AVL9: variants seen among roughly 807,000 people sequenced by gnomAD.
The protein encoded by AVL9 is AVL9 cell migration associated.
In AVL9, 49 loss-of-function variants were observed where a neutral mutation model predicts 79.2. The observed-to-expected ratio is 0.62, with a 90% CI of 0.49 to 0.79. AVL9 has a LOEUF of 0.79. AVL9 is among the 30% of genes least tolerant of loss of function. The pLI is 0.00. For missense variants in AVL9, 682 were observed against 776.8 expected (o/e 0.88, Z 1.45); for synonymous variants, 299 against 280.6 (o/e 1.07, Z -0.65).
chr7:32,528,902 C>G (rs967145242), intron 1 of AVL9, among the ~76,000 whole-genome samples: 1 of 151,688 alleles, frequency 6.6e-6, no homozygotes, highest in Non-Finnish European at 1.5e-5. Flanking sequence ...CCCAGCTAGT[C>G]GGGAGGCTGA....
chr7:32,535,204 A>G (rs17461530), intron 1 of AVL9: 35,518 of 151,982 alleles, frequency 0.23, 4,931 homozygotes, highest in Admixed American at 0.34. Context: ...CATGTCCTGA[A>G]CTCTACAGTT....
intron 1 of AVL9, chr7:32,536,838 A>C (rs1788933556): frequency 6.6e-6 from 1 of 152,210 alleles, no homozygotes; most frequent in Non-Finnish European, 1.5e-5. Context: ...TCACTGGTTT[A>C]TTATTAAAGG....
intron 15 of AVL9, among the ~76,000 whole-genome samples, chr7:32,581,941 C>T (rs1171596372): frequency 6.6e-6 from 1 of 152,160 alleles, no homozygotes; most frequent in East Asian, 1.9e-4. Context: ...ACTAGTTTTA[C>T]ACAAAATCTT....
At chr7:32,578,582 C>T (rs766873098) in intron 13 of AVL9, among the ~76,000 whole-genome samples, 8 of 152,170 alleles carry the variant, frequency 5.3e-5, no homozygotes, top group Admixed American at 2.6e-4. Flanking sequence ...CTGAGGTGGG[C>T]GGATCACGTG....
intron 1 of AVL9, among the ~76,000 whole-genome samples, chr7:32,521,919 GC>G (rs1259287575): frequency 5.9e-5 from 9 of 152,216 alleles, no homozygotes; most frequent in African/African-American, 1.9e-4. Flanking sequence ...CCAATGTACA[GC>G]TCAGGTTGTG....
chr7:32,586,462 C>CG lies in AVL9; in HGVS notation c.*2555_*2556insG, dbSNP rs890746205. On this transcript the variant is annotated 3_prime_UTR_variant, in exon 16 of 16. Coordinates refer to ENST00000318709, the MANE Select transcript of AVL9 (RefSeq NM_015060.3). ...GGAAGCCTCACCCCTGGTCCTGTGA[C>CG]CCCCCCCCCCCACACACACACATAC... The CG allele has an allele frequency of 1.6e-4, 2 of 12,788 alleles. No individual in the cohort carries two copies. Among genetic ancestry groups the CG allele is most frequent in the African/African-American group, 6.1e-4 (1 of 1,650 alleles). 0.8% of individuals were successfully genotyped at this position (12,788 alleles called of 1,614,324 possible).
intron 1 of AVL9, among the ~76,000 whole-genome samples, chr7:32,516,755 C>T (rs1282980889): frequency 7.8e-6 from 1 of 127,540 alleles, no homozygotes; most frequent in African/African-American, 2.9e-5. Flanking sequence ...TTCCACTAAA[C>T]CCTAGGCCTT....
chr7:32,546,085 A>ATTTTTTTTTTTTT (rs1562779099), intron 3 of AVL9, among the ~76,000 whole-genome samples: 8 of 30,966 alleles, frequency 2.6e-4, no homozygotes, highest in African/African-American at 6.6e-4. Context: ...TTTTTTTTTA[A>ATTTTTTTTTTTTT]ATATCTGTAC....
chr7:32,572,803 A>AAAAG (rs1448423964), intron 11 of AVL9, among the ~76,000 whole-genome samples: 2 of 149,950 alleles, frequency 1.3e-5, no homozygotes, highest in Non-Finnish European at 3.0e-5. Flanking sequence ...CTCCGTCTCA[A>AAAAG]AAAAAAAAAA....
intron 1 of AVL9, among the ~76,000 whole-genome samples, chr7:32,510,437 T>C (rs942712146): frequency 6.7e-6 from 1 of 149,516 alleles, no homozygotes; most frequent in Non-Finnish European, 1.5e-5. Flanking sequence ...CTGGCACTTC[T>C]GAACTGCCCC....
chr7:32,569,481 C>T (rs1209376594), intron 10 of AVL9, among the ~76,000 whole-genome samples: 1 of 152,156 alleles, frequency 6.6e-6, no homozygotes, highest in Non-Finnish European at 1.5e-5. Context: ...ACAGATACTA[C>T]CAGTGTCATT....
intron 1 of AVL9, among the ~76,000 whole-genome samples, chr7:32,503,323 T>G (rs1198786798): frequency 2.5e-5 from 3 of 122,062 alleles, no homozygotes; most frequent in African/African-American, 9.5e-5. Flanking sequence ...CTAAAAGATA[T>G]ATATATATAT....
At chr7:32,563,769 G>C (rs138932028) in intron 10 of AVL9, among the ~76,000 whole-genome samples, 63 of 152,206 alleles carry the variant, frequency 4.1e-4, no homozygotes, top group African/African-American at 1.4e-3. Flanking sequence ...GGTTTACCCA[G>C]CTTTGCAAAA....
chr7:32,515,001 G>C (rs934521526), intron 1 of AVL9, among the ~76,000 whole-genome samples: 4 of 152,280 alleles, frequency 2.6e-5, no homozygotes, highest in African/African-American at 4.8e-5. Context: ...GCATCTCAAA[G>C]CAGAACAATT....
rs1030491274 is a variant in AVL9 at position 32,584,935 on chromosome 7, A to G, written c.*1028A>G. The G allele has an allele frequency of 6.6e-6, 1 of 151,934 alleles. No homozygotes were observed. The highest frequency in any genetic ancestry group is 6.6e-5 in the Admixed American group (1 of 15,232). The allele number at this position is 151,934 out of a possible 1,614,324, so 9.4% of individuals were successfully genotyped here. A position where few individuals can be genotyped will look rare whatever the true frequency, so the allele number is the denominator to read the frequency against. ...TGGACATGCGCCACCATGCCCAGCT[A>G]ATTATTGTATTTTTAGTAGAGACGG... On this transcript the variant is annotated 3_prime_UTR_variant, in exon 16 of 16. Coordinates refer to ENST00000318709, the MANE Select transcript of AVL9 (RefSeq NM_015060.3).
rs1328314690 is a variant in AVL9, at chr7:32,495,754, C to G, written c.45C>G (p.Pro15=). The change falls in exon 1 of 16, where the codon CCC becomes CCG. Residue 15 remains proline (P), a synonymous_variant. Transcript: ENST00000318709. ...GCGGGGATGGCGTCCCCCGGGGGCC[C>G]GTACTGCACATCGTGGTGGTCGGAT... is the stretch of plus-strand genomic sequence containing the variant. ...RRGGDGVPRG[P]VLHIVVVGFH... The G allele has an allele frequency of 2.4e-6, 3 of 1,259,142 alleles. No individual in the cohort carries two copies. The highest frequency in any genetic ancestry group is 2.0e-6 in the Non-Finnish European group (2 of 991,972). 78.0% of individuals were successfully genotyped at this position (1,259,142 alleles called of 1,614,324 possible). A position where few individuals can be genotyped will look rare whatever the true frequency, so the allele number is the denominator to read the frequency against.
At chr7:32,552,643 A>C (rs1435128397) in intron 6 of AVL9, among the ~76,000 whole-genome samples, 1 of 151,978 alleles carries the variant, frequency 6.6e-6, no homozygotes, top group Non-Finnish European at 1.5e-5. Context: ...CCTGGGCTCA[A>C]GCAATTCTCC....
intron 1 of AVL9, among the ~76,000 whole-genome samples, chr7:32,509,472 C>G (rs1204569640): frequency 6.6e-6 from 1 of 152,124 alleles, no homozygotes; most frequent in African/African-American, 2.4e-5. Context: ...CTTTTTACTC[C>G]TCACTCTCCT....
rs574787496 is a variant in AVL9, at chr7:32,552,218, A to T, written c.463-11A>T. ...TAGTAAAATGTGCTAAATTCAATCT[A>T]TATTTTATAGGAGCTTTATGAACAT... is the stretch of plus-strand genomic sequence containing the variant. On this transcript the variant is annotated splice_polypyrimidine_tract_variant and intron_variant, in intron 5 of 15. Transcript: ENST00000318709. 6.5e-7 allele frequency: 1 copy of T among 1,528,550 alleles called. No homozygotes were observed. Among genetic ancestry groups the T allele is most frequent in the Middle Eastern group, 2.0e-4 (1 of 5,126 alleles). 94.7% of individuals were successfully genotyped at this position (1,528,550 alleles called of 1,614,324 possible). A position where few individuals can be genotyped will look rare whatever the true frequency, so the allele number is the denominator to read the frequency against.
Sources: allele counts gnomAD v4.1 joint callset (sites outside exome capture counted in the v4.1 genomes callset), GRCh38; gene constraint gnomAD v4.1.1; transcripts MANE v1.5; gene names NCBI Gene and HGNC (gene_info 2026-07-23, HGNC 2026-07-21).